Variants in KHDRBS2 observed in about 807,000 individuals in gnomAD.
The protein encoded by KHDRBS2 is KH RNA binding domain containing, signal transduction associated 2, also known as KH domain-containing, RNA-binding, signal transduction-associated protein 2.
In KHDRBS2, 26 loss-of-function variants were observed where a neutral mutation model predicts 44.3. That is an observed-to-expected ratio of 0.59 (90% CI 0.43 to 0.81). KHDRBS2 has a LOEUF of 0.81. KHDRBS2 is among the 40% of genes least tolerant of loss of function. The probability of loss-of-function intolerance (pLI) is 0.00; values close to 1 mark genes in which losing one functional copy is unlikely to be tolerated. For synonymous variants in KHDRBS2, 194 were observed against 151.1 expected (o/e 1.28, Z -2.08); for missense variants, 476 against 433.1 (o/e 1.10, Z -0.88).
chr6:61,912,123 A>G lies in KHDRBS2; in HGVS notation c.484-10752T>C, dbSNP rs72882430. Among the ~76,000 whole-genome samples the G allele has an allele frequency of 8.4e-3, 1,281 of 152,278 alleles. 12 individuals are homozygous for G. Among genetic ancestry groups the G allele is most frequent in the Non-Finnish European group, 0.012 (834 of 68,004 alleles). On this transcript the variant is annotated intron_variant, in intron 4 of 8. Coordinates refer to ENST00000281156, the MANE Select transcript of KHDRBS2 (RefSeq NM_152688.4). ...AAGTGAAGCATTCTAGCTGATAAAT[A>G]CTTACAAAATAAAGGAGAAAATGAT...
intron 2 of KHDRBS2, among the ~76,000 whole-genome samples, chr6:62,156,681 G>A (rs984851193): frequency 6.6e-6 from 1 of 151,804 alleles, no homozygotes; most frequent in African/African-American, 2.4e-5. Context: ...ACGGAGTCTC[G>A]CTCTGTCTCT....
intron 1 of KHDRBS2, among the ~76,000 whole-genome samples, chr6:62,222,236 CAG>C (rs774742268): frequency 6.7e-6 from 1 of 148,928 alleles, no homozygotes; most frequent in Non-Finnish European, 1.5e-5. Flanking sequence ...GAGAGAGAGA[CAG>C]AGAGAATGAG....
chr6:61,748,331 G>T (rs1463894190), intron 6 of KHDRBS2, among the ~76,000 whole-genome samples: 1 of 152,090 alleles, frequency 6.6e-6, no homozygotes, highest in Non-Finnish European at 1.5e-5. Context: ...ACTCTGGTAA[G>T]GGTATTTATT....
At chr6:62,048,326 A>T (rs1788203481) in intron 2 of KHDRBS2, among the ~76,000 whole-genome samples, 1 of 151,928 alleles carries the variant, frequency 6.6e-6, no homozygotes, top group Non-Finnish European at 1.5e-5. Context: ...GGTTTACAGA[A>T]TTTCTAAAGG....
At chr6:61,861,273 T>A (rs1796924223) in intron 6 of KHDRBS2, among the ~76,000 whole-genome samples, 1 of 152,110 alleles carries the variant, frequency 6.6e-6, no homozygotes, top group Non-Finnish European at 1.5e-5. Context: ...GGTGTCTTTG[T>A]TATGAAATCT....
intron 3 of KHDRBS2, among the ~76,000 whole-genome samples, chr6:61,997,328 T>C (rs1372234635): frequency 6.6e-6 from 1 of 152,174 alleles, no homozygotes; most frequent in Non-Finnish European, 1.5e-5. Context: ...TAAGATAGGA[T>C]TGCCCCACAC....
At chr6:61,641,417 C>T in the KHDRBS2 span, among the ~76,000 whole-genome samples, 1 of 152,146 alleles carries the variant, frequency 6.6e-6, no homozygotes, top group South Asian at 2.1e-4. Context: ...TGTAAACCAA[C>T]TGAACTAATT....
intron 7 of KHDRBS2, among the ~76,000 whole-genome samples, chr6:61,718,029 C>A (rs1771735975): frequency 6.6e-6 from 1 of 151,970 alleles, no homozygotes; most frequent in Non-Finnish European, 1.5e-5. Flanking sequence ...CTTAACATTT[C>A]TAAAATTTAA....
chr6:61,547,179 C>A, the KHDRBS2 span, among the ~76,000 whole-genome samples: 2 of 152,068 alleles, frequency 1.3e-5, no homozygotes, highest in Admixed American at 1.3e-4. Flanking sequence ...TCCGACAACT[C>A]TCAATATTAT....
At chr6:61,834,673 T>C (rs1322881890) in intron 6 of KHDRBS2, among the ~76,000 whole-genome samples, 1 of 152,040 alleles carries the variant, frequency 6.6e-6, no homozygotes, top group Non-Finnish European at 1.5e-5. Flanking sequence ...GTTGTTTGTA[T>C]GGTTCATCAT....
chr6:61,916,881 A>C (rs1390494592), intron 4 of KHDRBS2, among the ~76,000 whole-genome samples: 3 of 151,518 alleles, frequency 2.0e-5, no homozygotes, highest in African/African-American at 7.3e-5. Flanking sequence ...GTGAGACACC[A>C]CTATGTACTT....
chr6:61,584,655 A>G, the KHDRBS2 span, among the ~76,000 whole-genome samples: 1 of 150,468 alleles, frequency 6.6e-6, no homozygotes, highest in South Asian at 2.1e-4. Flanking sequence ...CAAACTAACA[A>G]GAGATTCAAG....
intron 1 of KHDRBS2, among the ~76,000 whole-genome samples, chr6:62,234,613 C>A (rs1457407508): frequency 1.3e-5 from 2 of 151,992 alleles, no homozygotes; most frequent in Non-Finnish European, 2.9e-5. Flanking sequence ...AAGTTTCTAA[C>A]TCAATAGCCT....
At chr6:62,233,925 T>C (rs1833286796) in intron 1 of KHDRBS2, among the ~76,000 whole-genome samples, 1 of 152,162 alleles carries the variant, frequency 6.6e-6, no homozygotes, top group Non-Finnish European at 1.5e-5. Context: ...TCTGCTATTG[T>C]GAATAGTGCT....
At chr6:61,547,168 C>T in the KHDRBS2 span, among the ~76,000 whole-genome samples, 4 of 152,066 alleles carry the variant, frequency 2.6e-5, no homozygotes, top group South Asian at 6.2e-4. Flanking sequence ...CAGACAGTGG[C>T]TCCGACAACT....
At chr6:61,775,073 C>G (rs1174768865) in intron 6 of KHDRBS2, among the ~76,000 whole-genome samples, 1 of 152,028 alleles carries the variant, frequency 6.6e-6, no homozygotes, top group Non-Finnish European at 1.5e-5. Context: ...CAGAAAAGAC[C>G]TTTGACAAAA....
At chr6:62,201,320 G>C (rs1229607186) in intron 1 of KHDRBS2, among the ~76,000 whole-genome samples, 1 of 151,984 alleles carries the variant, frequency 6.6e-6, no homozygotes, top group Non-Finnish European at 1.5e-5. Flanking sequence ...GAACAGAAAA[G>C]GTATAGTTAG....
chr6:61,815,683 A>G (rs530641300), intron 6 of KHDRBS2, among the ~76,000 whole-genome samples: 1 of 152,290 alleles, frequency 6.6e-6, no homozygotes, highest in East Asian at 1.9e-4. Context: ...TTATTGAGGA[A>G]GAAAATATTT....
At chr6:62,042,148 G>T (rs184941640) in intron 3 of KHDRBS2, among the ~76,000 whole-genome samples, 137 of 152,110 alleles carry the variant, frequency 9.0e-4, no homozygotes, top group African/African-American at 3.0e-3. Flanking sequence ...TATCACAAGA[G>T]CTATGGTTCA....
Sources: gnomAD v4.1 joint callset for allele counts (sites outside exome capture counted in the v4.1 genomes callset) on GRCh38, gnomAD v4.1.1 for gene constraint, MANE v1.5 for transcripts, NCBI Gene and HGNC (gene_info 2026-07-23, HGNC 2026-07-21) for gene names.